SORL1: variants seen among roughly 807,000 people sequenced by gnomAD.
The protein encoded by SORL1 is sortilin related receptor 1.
SORL1 carries 127 observed loss-of-function variants against 273.7 expected under a neutral mutation model. The ratio of observed to expected loss-of-function variants is 0.46; its 90% CI spans 0.40 to 0.54. The LOEUF (loss-of-function observed/expected upper bound fraction) is 0.54, where lower values mean the gene tolerates loss of function less well. Among genes scored for constraint, SORL1 ranks in the 20% least tolerant of loss-of-function variants. SORL1 has a pLI of 0.00. For missense variants in SORL1, 2,494 were observed against 2,846.1 expected (o/e 0.88, Z 2.81); for synonymous variants, 1,031 against 1,067.4 (o/e 0.97, Z 0.66).
At chr11:121,564,081 A>G (rs1356110373) in intron 21 of SORL1, among the ~76,000 whole-genome samples, 1 of 152,202 alleles carries the variant, frequency 6.6e-6, no homozygotes, top group African/African-American at 2.4e-5. Context: ...TTCTAAGGGA[A>G]TGTCTTTGAA....
chr11:121,622,818 G>A (rs1225221513), intron 45 of SORL1, among the ~76,000 whole-genome samples: 1 of 152,256 alleles, frequency 6.6e-6, no homozygotes, highest in East Asian at 1.9e-4. Flanking sequence ...GACAGGGGAA[G>A]AGGAGTGAGA....
intron 2 of SORL1, among the ~76,000 whole-genome samples, chr11:121,475,754 C>T (rs1861257201): frequency 6.6e-6 from 1 of 152,224 alleles, no homozygotes; most frequent in South Asian, 2.1e-4. Context: ...TTGTCTCTTA[C>T]TAGCGGTATG....
intron 39 of SORL1, 151 bp downstream of exon 39, chr11:121,611,309 A>C (rs1863560536): frequency 5.4e-6 from 3 of 555,940 alleles, no homozygotes; most frequent in Non-Finnish European, 9.6e-6. Context: ...TACCAGGACT[A>C]GGGTGGTTCC....
Position 121,478,182 on chromosome 11 carries a change from T to C in SORL1, c.467T>C (p.Leu156Ser). 3 of 1,614,122 alleles carry C rather than the reference T, an allele frequency of 1.9e-6. No homozygotes were observed. Among genetic ancestry groups the C allele is most frequent in the Non-Finnish European group, 2.5e-6 (3 of 1,180,010 alleles). ...ATTTCAGACAAGTTAAACTTTGGCT[T>C]GGGAAATAGGAGTGAAGCTGTTATC... ...KKISDKLNFG[L>S]GNRSEAVIAQ... The change falls in exon 3 of 48, where the codon TTG becomes TCG. Residue 156 changes from leucine (L) to serine (S), a missense_variant. By Grantham distance (145) the Leu-to-Ser change is moderately radical. Coordinates refer to ENST00000260197, the MANE Select transcript of SORL1 (RefSeq NM_003105.6).
chr11:121,584,110 C>T (rs143157694), intron 26 of SORL1, among the ~76,000 whole-genome samples: 87 of 152,262 alleles, frequency 5.7e-4, no homozygotes, highest in Middle Eastern at 3.4e-3. Flanking sequence ...TACCACTATT[C>T]GTGTCTTTGG....
rs200341078 is a variant in SORL1 at position 121,543,533 on chromosome 11, C to T, written c.1686-15C>T. 2.5e-6 allele frequency: 4 copies of T among 1,595,542 alleles called. No individual in the cohort carries two copies. Among genetic ancestry groups the T allele is most frequent in the East Asian group, 4.5e-5 (2 of 44,386 alleles). On this transcript the variant is annotated splice_polypyrimidine_tract_variant and intron_variant, in intron 12 of 47. Coordinates refer to ENST00000260197, the MANE Select transcript of SORL1 (RefSeq NM_003105.6). ...GACTTTCACTGCAAGGATTCTCTTA[C>T]TTGCATTTGGGCAGATACAGTACCA...
chr11:121,615,141 C>G, intron 41 of SORL1, 86 bp downstream of exon 41: 7 of 1,186,322 alleles, frequency 5.9e-6, no homozygotes, highest in Non-Finnish European at 8.1e-6. Flanking sequence ...GCTTTTCTCT[C>G]TTTTGCAAAT....
At chr11:121,495,980 A>G (rs570611847) in intron 5 of SORL1, among the ~76,000 whole-genome samples, 3 of 152,364 alleles carry the variant, frequency 2.0e-5, no homozygotes, top group African/African-American at 4.8e-5. Context: ...GCATTACTGC[A>G]TAAAGGAATA....
intron 21 of SORL1, among the ~76,000 whole-genome samples, chr11:121,561,072 T>C (rs1591327678): frequency 6.6e-6 from 1 of 152,352 alleles, no homozygotes; most frequent in East Asian, 1.9e-4. Context: ...ACTTGCTAGC[T>C]AGCAGAGTGG....
chr11:121,611,281 G>A, intron 39 of SORL1, 123 bp downstream of exon 39: 1 of 660,492 alleles, frequency 1.5e-6, no homozygotes, highest in South Asian at 2.0e-5. Context: ...CGAACGGCTA[G>A]ATCTAGTGAA....
intron 21 of SORL1, among the ~76,000 whole-genome samples, chr11:121,561,319 A>T (rs945011019): frequency 9.9e-5 from 15 of 152,138 alleles, no homozygotes; most frequent in Non-Finnish European, 1.3e-4. Flanking sequence ...ATGCAGTCAC[A>T]CCTGTGACTG....
chr11:121,478,659 C>T lies in SORL1; in HGVS notation c.528+416C>T, dbSNP rs764835528. Among the ~76,000 whole-genome samples the T allele has an allele frequency of 1.3e-4, 19 of 151,914 alleles. No individual in the cohort carries two copies. The East Asian group carries it at 1.5e-3, about 12-fold the overall frequency. On this transcript the variant is annotated intron_variant, in intron 3 of 47. Coordinates refer to ENST00000260197, the MANE Select transcript of SORL1 (RefSeq NM_003105.6). ...GCTTGTATGCGTGTGTGTGCATGTACGTGCTTGTGTGCGTGTGAGTACCTG... is the reference window on the plus strand; with the variant it reads ...GCTTGTATGCGTGTGTGTGCATGTATGTGCTTGTGTGCGTGTGAGTACCTG...
At chr11:121,588,658 A>G (rs533829945) in intron 28 of SORL1, among the ~76,000 whole-genome samples, 2 of 152,258 alleles carry the variant, frequency 1.3e-5, no homozygotes, top group East Asian at 1.9e-4. Context: ...AGCAGCTCTT[A>G]TATTTGTTTC....
At chr11:121,566,883 C>T (rs965648493) in intron 21 of SORL1, 57 bp from the exon 22 acceptor site, 4 of 1,507,278 alleles carry the variant, frequency 2.7e-6, no homozygotes, top group Admixed American at 2.0e-5. Context: ...TTCTTGTATT[C>T]AGTACCTCCC....
At chr11:121,457,198 G>A (rs779136115) in intron 1 of SORL1, among the ~76,000 whole-genome samples, 5 of 152,150 alleles carry the variant, frequency 3.3e-5, no homozygotes, top group Admixed American at 6.5e-5. Context: ...AGAAGGTGGA[G>A]GCTTTGCGAG....
chr11:121,555,722 G>T lies in SORL1; in HGVS notation c.2571+404G>T, dbSNP rs145701636. ...ATAATCGTCTAGTATTATTTTATTC[G>T]ATTAGAGTGATAGCAACAATATCAT... On this transcript the variant is annotated intron_variant, in intron 18 of 47. Transcript: ENST00000260197. Among the ~76,000 whole-genome samples the T allele has an allele frequency of 4.3e-3, 646 of 151,968 alleles. 2 individuals carry two copies. Among genetic ancestry groups the T allele is most frequent in the African/African-American group, 0.015 (618 of 41,416 alleles).
chr11:121,552,711 G>A (rs901215686), intron 16 of SORL1, among the ~76,000 whole-genome samples: 9 of 152,194 alleles, frequency 5.9e-5, no homozygotes, highest in African/African-American at 2.2e-4. Context: ...ATTGTAGGTA[G>A]ATTTATTTTT....
In SORL1 at chr11:121,589,407, G is replaced by T; in HGVS notation, c.4078+17G>T. ...CCAACTGCGGTAAGATGTCCAGTCT[G>T]CCTCCTCACATCCTAATCCTCTAGT... On this transcript the variant is annotated intron_variant, in intron 29 of 47. Transcript: ENST00000260197. 2 of 1,611,776 alleles carry T rather than the reference G, an allele frequency of 1.2e-6. No individual in the cohort carries two copies. Among genetic ancestry groups the T allele is most frequent in the Non-Finnish European group, 1.7e-6 (2 of 1,178,110 alleles).
chr11:121,624,578 G>A (rs778608246), intron 45 of SORL1, among the ~76,000 whole-genome samples: 23 of 152,196 alleles, frequency 1.5e-4, no homozygotes, highest in Non-Finnish European at 3.1e-4. Flanking sequence ...TAGAGAGCAG[G>A]GAGACAGGAA....
Sources: gnomAD v4.1 joint callset for allele counts (sites outside exome capture counted in the v4.1 genomes callset) on GRCh38, gnomAD v4.1.1 for gene constraint, MANE v1.5 for transcripts, NCBI Gene and HGNC (gene_info 2026-07-23, HGNC 2026-07-21) for gene names.